The following COL12A1 variants were observed in gnomAD, a reference collection of about 807,000 sequenced individuals.
The protein encoded by COL12A1 is collagen type XII alpha 1 chain, also known as collagen alpha-1(XII) chain.
Under a neutral mutation model 349.7 loss-of-function variants are expected in COL12A1, and 114 were observed. The observed-to-expected ratio is 0.33, with a 90% CI of 0.28 to 0.38. COL12A1 has a LOEUF of 0.38. Among genes scored for constraint, COL12A1 ranks in the 10% least tolerant of loss-of-function variants. The pLI, the probability that COL12A1 is intolerant of heterozygous loss-of-function variation, is 1.00. For synonymous variants in COL12A1, 1,369 were observed against 1,329.0 expected, an observed-to-expected ratio of 1.03 and a Z score of -0.66; for missense variants, 3,284 against 3,756.9, an observed-to-expected ratio of 0.87 and a Z score of 3.29.
chr6:75,131,634 T>C (rs1258856939), intron 35 of COL12A1, among the ~76,000 whole-genome samples: 1 of 152,232 alleles, frequency 6.6e-6, no homozygotes, highest in East Asian at 1.9e-4. Context: ...ATTGGGCAAT[T>C]TGTAAGAACC....
chr6:75,151,167 T>C lies in COL12A1; in HGVS notation c.4121A>G (p.Asn1374Ser). The change falls in exon 21 of 66, where the codon AAT (asparagine) becomes AGT (serine). Residue 1374 changes from asparagine (N) to serine (S), a missense_variant. Asn to Ser is a conservative substitution (Grantham distance 46). This residue lies in a region of COL12A1 where 2,601 missense variants were observed against 2,824.8 expected (regional missense o/e 0.92). Transcript: ENST00000322507. ...LSRIVDDLTI[N>S]LCNSVKGPGD... ...TGGACCTTTGACACTGTTACACAAA[T>C]TAATGGTGAGATCATCCACTATCCT... The C allele has an allele frequency of 1.3e-6, 2 of 1,551,722 alleles. No homozygotes were observed. The highest frequency in any genetic ancestry group is 1.1e-5 in the South Asian group (1 of 89,854).
At chr6:75,191,835 T>C (rs1419685218) in intron 4 of COL12A1, 75 bp from the exon 5 acceptor site, 1 of 923,942 alleles carries the variant, frequency 1.1e-6, no homozygotes, top group Non-Finnish European at 1.5e-6. Context: ...ATAAATATAT[T>C]ATATTAGTTT....
Position 75,202,751 on chromosome 6 carries a change from CGCGCCCAGGGCG to C in COL12A1, c.30_41del (p.Gly13_Leu16del). Reference sequence around the variant, plus strand: ...CCTCAATGGAAGACAGGAGCAGGGCCGCGCCCAGGGCGGCAAGCGCTGGGGGAAGCCTACTCC... The same window carrying C: ...CCTCAATGGAAGACAGGAGCAGGGCCGCAAGCGCTGGGGGAAGCCTACTCC... On this transcript the variant is annotated inframe_deletion, in exon 2 of 66. Coordinates refer to ENST00000322507, the MANE Select transcript of COL12A1 (RefSeq NM_004370.6). 1 of 1,551,920 alleles carries C rather than the reference CGCGCCCAGGGCG, an allele frequency of 6.4e-7. No homozygotes were observed. Among genetic ancestry groups the C allele is most frequent in the Non-Finnish European group, 8.7e-7 (1 of 1,147,060 alleles).
chr6:75,189,409 A>G (rs1357163052), intron 6 of COL12A1, 28 bp from the exon 7 acceptor site: 2 of 1,606,370 alleles, frequency 1.2e-6, no homozygotes, highest in Admixed American at 1.7e-5. Flanking sequence ...ATGTTCATTT[A>G]CTCTGTACTA....
Position 75,175,099 on chromosome 6 carries a change from C to G in COL12A1, c.2649G>C (p.Val883=), listed in dbSNP as rs2149451889. 6.2e-7 allele frequency: 1 copy of G among 1,614,164 alleles called. No individual in the cohort carries two copies. The highest frequency in any genetic ancestry group is 1.1e-5 in the South Asian group (1 of 91,084). Residue 883 remains valine, a synonymous_variant, in exon 13 of 66, where the codon GTG becomes GTC. Coordinates refer to ENST00000322507, the MANE Select transcript of COL12A1 (RefSeq NM_004370.6). ...LKEGTQYALS[V]TALYASGAGD... ...CAGCCCCAGACGCATACAAGGCTGT[C>G]ACAGATAAGGCGTATTGTGTCCCTT...
In COL12A1 at chr6:75,125,020, A is replaced by G. The variant is rs944739193; in HGVS notation, c.6607+107T>C. The G allele has an allele frequency of 6.6e-6, 7 of 1,058,174 alleles. No homozygotes were observed. The African/African-American group carries it at 9.7e-5, about 15-fold the overall frequency. The allele number at this position is 1,058,174 out of a possible 1,614,324, so 65.5% of individuals were successfully genotyped here. A position where few individuals can be genotyped will look rare whatever the true frequency, so the allele number is the denominator to read the frequency against. On this transcript the variant is annotated intron_variant, in intron 40 of 65. Transcript: ENST00000322507. ...CAGACACAAAATAGCCTGCCTACAT[A>G]ATGCTGAGGAAACATGTATATGTTC...
Position 75,106,422 on chromosome 6 carries a change from A to G in COL12A1, c.8175T>C (p.Ser2725=). The G allele has an allele frequency of 6.2e-7, 1 of 1,613,242 alleles. No individual in the cohort carries two copies. The highest frequency in any genetic ancestry group is 8.5e-7 in the Non-Finnish European group (1 of 1,179,270). ...TSRDRCCDIP[S]RRDEGKCPAF... ...AATTCAATTCTGTTTTACTTACCCT[A>G]GAGGGAATATCACAGCATCTGTCTC... The change falls in exon 53 of 66, where the codon TCT becomes TCC. Residue 2725 remains serine (S), a synonymous_variant. Coordinates refer to ENST00000322507, the MANE Select transcript of COL12A1 (RefSeq NM_004370.6).
chr6:75,113,059 G>T, intron 51 of COL12A1, 145 bp downstream of exon 51: 2 of 450,304 alleles, frequency 4.4e-6, no homozygotes, highest in Non-Finnish European at 7.7e-6. Context: ...AATATTATTT[G>T]AATTAACCAA....
Position 75,194,869 on chromosome 6 carries a change from G to A in COL12A1, c.152C>T (p.Pro51Leu). ...CACCGTTATTCTGTAACCCACAATTGGATCAACTGGTTTTGCCCATGACAT... is the reference window on the plus strand; with the variant it reads ...CACCGTTATTCTGTAACCCACAATTAGATCAACTGGTTTTGCCCATGACAT... The part of the protein sequence containing the change: ...VHMSWAKPVD[P>L]IVGYRITVDP... The change falls in exon 3 of 66, where the codon CCA (proline) becomes CTA (leucine). Residue 51 changes from proline to leucine, a missense_variant. By Grantham distance (98) the Pro-to-Leu change is moderately conservative. Transcript: ENST00000322507. 1 of 1,611,786 alleles carries A rather than the reference G, an allele frequency of 6.2e-7. No individual in the cohort carries two copies. Among genetic ancestry groups the A allele is most frequent in the Non-Finnish European group, 8.5e-7 (1 of 1,178,834 alleles).
chr6:75,138,301 C>T lies in COL12A1; in HGVS notation c.5251+19G>A, dbSNP rs1562200885. On this transcript the variant is annotated intron_variant, in intron 30 of 65. Transcript: ENST00000322507. ...TCATTATTTGTTCATTCAAACAATT[C>T]ATCAAATTAAATTCTTACCTTGTGT... is the stretch of plus-strand genomic sequence containing the variant. 1 of 1,596,888 alleles carries T rather than the reference C, an allele frequency of 6.3e-7. No individual in the cohort carries two copies. The highest frequency in any genetic ancestry group is 8.5e-7 in the Non-Finnish European group (1 of 1,170,166).
At chr6:75,147,593 T>G in intron 23 of COL12A1, 82 bp downstream of exon 23, 1 of 1,297,500 alleles carries the variant, frequency 7.7e-7, no homozygotes, top group South Asian at 1.5e-5. Context: ...AAAGAAATTA[T>G]TTGGAAGGTA....
Position 75,085,244 on chromosome 6 carries a change from A to G in COL12A1, c.*1303T>C, listed in dbSNP as rs1457462851. 6.4e-6 allele frequency: 3 copies of G among 470,656 alleles called. No individual in the cohort carries two copies. Among genetic ancestry groups the G allele is most frequent in the Non-Finnish European group, 1.3e-5 (3 of 227,020 alleles). 29.2% of individuals were successfully genotyped at this position (470,656 alleles called of 1,614,324 possible). On this transcript the variant is annotated 3_prime_UTR_variant, in exon 66 of 66. Transcript: ENST00000322507. The stretch of plus-strand genomic sequence containing the variant: ...GCCGCCAGCGCCGGTGGGGCTCAGG[A>G]GGCTCCTCTGCAGGCTCGTCTGCGC...
At chr6:75,101,225 C>T (rs1768288305) in intron 58 of COL12A1, among the ~76,000 whole-genome samples, 1 of 152,130 alleles carries the variant, frequency 6.6e-6, no homozygotes, top group Non-Finnish European at 1.5e-5. Flanking sequence ...GTCAAGGCTA[C>T]CCTCATGGTT....
intron 2 of COL12A1, among the ~76,000 whole-genome samples, chr6:75,195,353 C>T (rs1283081662): frequency 6.6e-6 from 1 of 152,126 alleles, no homozygotes; most frequent in Admixed American, 6.6e-5. Context: ...TGCCAAATCA[C>T]AACCTGCTTA....
intron 1 of COL12A1, among the ~76,000 whole-genome samples, chr6:75,203,808 A>G (rs1426812640): frequency 1.3e-5 from 2 of 152,248 alleles, no homozygotes; most frequent in Non-Finnish European, 2.9e-5. Context: ...TGAACTGGGA[A>G]GTTGCCAGTG....
At position 75,130,959 on chromosome 6, in the gene COL12A1, C is replaced by A. The variant is rs201827443; in HGVS notation, c.5960G>T (p.Arg1987Leu). Reference protein sequence around the residue: ...SESIVVPGNTRMVHLERLIPD... With the variant: ...SESIVVPGNTLMVHLERLIPD... ...AATCAGCCGCTCCAGATGCACCATG[C>A]GCGTGTTTCCTGGCACTACTATCTG... The change falls in exon 36 of 66, where the codon CGC becomes CTC. Residue 1987 changes from arginine (R) to leucine (L), a missense_variant. This residue lies in a region of COL12A1 where 2,601 missense variants were observed against 2,824.8 expected (regional missense o/e 0.92). Transcript: ENST00000322507. The A allele has an allele frequency of 1.3e-5, 21 of 1,613,996 alleles. No individual in the cohort carries two copies. Among genetic ancestry groups the A allele is most frequent in the African/African-American group, 5.3e-5 (4 of 74,922 alleles).
intron 15 of COL12A1, 91 bp downstream of exon 15, chr6:75,156,166 T>C (rs1767751269): frequency 6.9e-7 from 1 of 1,452,422 alleles, no homozygotes; most frequent in South Asian, 1.3e-5. Flanking sequence ...CGGAATCAGT[T>C]TTAAACATTT....
chr6:75,138,288 C>G, intron 30 of COL12A1, 32 bp downstream of exon 30: 11 of 1,575,506 alleles, frequency 7.0e-6, no homozygotes, highest in Non-Finnish European at 9.5e-6. Context: ...ATTATTTGTT[C>G]ATTCAAACAA....
intron 24 of COL12A1, among the ~76,000 whole-genome samples, chr6:75,145,821 G>T (rs868528954): frequency 1.3e-5 from 2 of 151,710 alleles, no homozygotes; most frequent in Non-Finnish European, 2.9e-5. Flanking sequence ...TAGTAGAAAC[G>T]GTGTTTCACC....
Sources: allele counts gnomAD v4.1 joint callset (sites outside exome capture counted in the v4.1 genomes callset), GRCh38; gene constraint gnomAD v4.1.1; regional missense constraint gnomAD v4.1.1; transcripts MANE v1.5; gene names NCBI Gene and HGNC (gene_info 2026-07-23, HGNC 2026-07-21).